WWC1: variants seen among roughly 807,000 people sequenced by gnomAD.
WWC1 encodes the protein protein KIBRA.
In WWC1, 55 loss-of-function variants were observed where a neutral mutation model predicts 138.4. That is an observed-to-expected ratio of 0.40 (90% CI 0.32 to 0.50). WWC1 has a LOEUF of 0.50. WWC1 is among the 20% of genes least tolerant of loss of function. The pLI is 0.72. For missense variants in WWC1, 1,226 were observed against 1,420.4 expected, an observed-to-expected ratio of 0.86 and a Z score of 2.20; for synonymous variants, 524 against 564.9, an observed-to-expected ratio of 0.93 and a Z score of 1.03.
chr5:168,397,840 G>T (rs1285783319), intron 4 of WWC1, 40 bp downstream of exon 4: 2 of 1,610,442 alleles, frequency 1.2e-6, no homozygotes, highest in Non-Finnish European at 1.7e-6. Flanking sequence ...AGTGATTGGG[G>T]CCACTGAGGT....
chr5:168,435,642 C>T (rs1782289714), intron 15 of WWC1, among the ~76,000 whole-genome samples: 1 of 152,154 alleles, frequency 6.6e-6, no homozygotes, highest in South Asian at 2.1e-4. Context: ...AACTCCTGGG[C>T]TCAGGCAGTC....
intron 1 of WWC1, among the ~76,000 whole-genome samples, chr5:168,299,586 C>CT (rs1561579939): frequency 6.6e-6 from 1 of 152,240 alleles, no homozygotes; most frequent in African/African-American, 2.4e-5. Flanking sequence ...ATCCCTCCCC[C>CT]TCCCGGGGAG....
At chr5:168,414,733 C>T (rs374847586) in intron 9 of WWC1, 143 bp downstream of exon 9, 2 of 1,223,240 alleles carry the variant, frequency 1.6e-6, no homozygotes, top group Non-Finnish European at 2.2e-6. Context: ...CTCAGGTTGC[C>T]GACATAGGAA....
chr5:168,381,421 G>T (rs953486637), intron 2 of WWC1, among the ~76,000 whole-genome samples: 3 of 152,124 alleles, frequency 2.0e-5, no homozygotes, highest in Admixed American at 6.5e-5. Flanking sequence ...CCTGGAGCCC[G>T]CATCGCACCT....
intron 19 of WWC1, 149 bp downstream of exon 19, chr5:168,455,669 C>G (rs955622854): frequency 1.0e-6 from 1 of 967,804 alleles, no homozygotes; most frequent in African/African-American, 1.7e-5. Context: ...GTGGAGTTCA[C>G]GGGCCTACTT....
intron 4 of WWC1, among the ~76,000 whole-genome samples, 200 bp from the exon 5 acceptor site, chr5:168,399,288 T>C (rs1779137366): frequency 1.3e-5 from 2 of 152,194 alleles, no homozygotes; most frequent in African/African-American, 2.4e-5. Context: ...CCTGGGATGC[T>C]GACTGAATGG....
In WWC1 at chr5:168,421,997, T is replaced by C. The variant is rs1183172181; in HGVS notation, c.1185-11T>C. On this transcript the variant is annotated splice_polypyrimidine_tract_variant and intron_variant, in intron 9 of 22. Transcript: ENST00000265293. ...TTTGGTGCATCCCTCGCATGCTTTC[T>C]CTCCTTCCAGGTTAAAGTTAAACAG... The C allele has an allele frequency of 1.9e-6, 3 of 1,608,980 alleles. No homozygotes were observed. Among genetic ancestry groups the C allele is most frequent in the South Asian group, 1.1e-5 (1 of 90,538 alleles).
intron 9 of WWC1, chr5:168,415,814 GCGTGTGT>G (rs1561732934): frequency 4.8e-5 from 2 of 41,458 alleles, no homozygotes; most frequent in Non-Finnish European, 1.1e-4. Flanking sequence ...GGGGGGGGGG[GCGTGTGT>G]GTGTGTGTGT....
chr5:168,352,493 A>T lies in WWC1; in HGVS notation c.120-18931A>T, dbSNP rs138252165. ...ACCTATTTGCCTGGATTCAAATCCCAGCTCTGCCACCTTCCAGCTGCAGGA... is the reference window on the plus strand; with the variant it reads ...ACCTATTTGCCTGGATTCAAATCCCTGCTCTGCCACCTTCCAGCTGCAGGA... On this transcript the variant is annotated intron_variant, in intron 1 of 22. Coordinates refer to ENST00000265293, the MANE Select transcript of WWC1 (RefSeq NM_015238.3). Among the ~76,000 whole-genome samples, 636 of 152,230 alleles carry T rather than the reference A, an allele frequency of 4.2e-3. 4 individuals are homozygous for T. The highest frequency in any genetic ancestry group is 6.5e-3 in the Non-Finnish European group (440 of 68,022).
intron 2 of WWC1, among the ~76,000 whole-genome samples, chr5:168,382,159 T>C (rs1297634035): frequency 6.6e-6 from 1 of 152,220 alleles, no homozygotes; most frequent in Non-Finnish European, 1.5e-5. Flanking sequence ...TGGAACACTG[T>C]ACAGGTGTTT....
Position 168,397,729 on chromosome 5 carries a change from T to C in WWC1, c.439T>C (p.Ser147Pro). ...TTTTTCTTTTTTCCTTACAGTGGTC[T>C]CTGGTTCATCATCCAGCTCCAAGTA... ...HKLGSQVSLV[S>P]GSSSSSKYDP... Residue 147 changes from serine (S) to proline (P), a missense_variant, in exon 4 of 23, where the codon TCT becomes CCT. Ser to Pro is a moderately conservative substitution (Grantham distance 74, BLOSUM62 -1). This residue lies in a region of WWC1 where 1,016 missense variants were observed against 1,153.9 expected (regional missense o/e 0.88). Coordinates refer to ENST00000265293, the MANE Select transcript of WWC1 (RefSeq NM_015238.3). 1 of 1,614,050 alleles carries C rather than the reference T, an allele frequency of 6.2e-7. No individual in the cohort carries two copies. Among genetic ancestry groups the C allele is most frequent in the South Asian group, 1.1e-5 (1 of 91,082 alleles).
intron 2 of WWC1, among the ~76,000 whole-genome samples, chr5:168,383,664 T>C (rs957507695): frequency 6.6e-6 from 1 of 152,180 alleles, no homozygotes; most frequent in Non-Finnish European, 1.5e-5. Flanking sequence ...AGAAAAGCCA[T>C]AAAACAGGAT....
At chr5:168,458,226 G>A (rs1207099019) in intron 19 of WWC1, among the ~76,000 whole-genome samples, 1 of 152,142 alleles carries the variant, frequency 6.6e-6, no homozygotes, top group Non-Finnish European at 1.5e-5. Flanking sequence ...TGAGTTGTGT[G>A]AACCCCATTT....
intron 17 of WWC1, among the ~76,000 whole-genome samples, chr5:168,449,828 G>A (rs142159437): frequency 0.015 from 2,290 of 152,200 alleles, 27 homozygotes; most frequent in Non-Finnish European, 0.023. Flanking sequence ...ACCTGCCTCA[G>A]CCTCCCAAAG....
chr5:168,415,428 T>G (rs1459224770), intron 9 of WWC1: 1 of 152,244 alleles, frequency 6.6e-6, no homozygotes, highest in Admixed American at 6.5e-5. Context: ...TTCTTTAATT[T>G]AGACCTTATT....
At chr5:168,431,165 T>C (rs1287500719) in intron 14 of WWC1, 87 bp from the exon 15 acceptor site, 3 of 1,226,486 alleles carry the variant, frequency 2.4e-6, no homozygotes, top group Non-Finnish European at 3.5e-6. Context: ...TGTTGTTTGC[T>C]TAGGGATTTC....
chr5:168,465,029 G>A (rs993911127), intron 21 of WWC1, 67 bp downstream of exon 21: 27 of 1,553,002 alleles, frequency 1.7e-5, no homozygotes, highest in East Asian at 4.7e-5. Flanking sequence ...GCACTGCCCC[G>A]GGGAAGAGAG....
intron 1 of WWC1, among the ~76,000 whole-genome samples, chr5:168,367,523 G>C (rs545502129): frequency 8.8e-6 from 1 of 113,352 alleles, no homozygotes; most frequent in East Asian, 2.4e-4. Context: ...AGTAGAGAAG[G>C]GGTTTCACCG....
intron 16 of WWC1, among the ~76,000 whole-genome samples, chr5:168,442,255 A>G (rs988831851): frequency 6.6e-6 from 1 of 152,120 alleles, no homozygotes; most frequent in African/African-American, 2.4e-5. Flanking sequence ...GGGCTAGGTC[A>G]GTCATATCAC....
Sources: gnomAD v4.1 joint callset for allele counts (sites outside exome capture counted in the v4.1 genomes callset) on GRCh38, gnomAD v4.1.1 for gene constraint, gnomAD v4.1.1 regional missense constraint, MANE v1.5 for transcripts, NCBI Gene and HGNC (gene_info 2026-07-23, HGNC 2026-07-21) for gene names.